ITGBL1: variants seen among roughly 807,000 people sequenced by gnomAD.
ITGBL1 encodes the protein integrin subunit beta like 1.
In ITGBL1, 51 loss-of-function variants were observed where a neutral mutation model predicts 68.5. The ratio of observed to expected loss-of-function variants is 0.74; its 90% CI spans 0.59 to 0.94. ITGBL1 has a LOEUF of 0.94. Ranked by LOEUF, ITGBL1 falls within the 40% of genes least tolerant of loss-of-function variation. ITGBL1 has a pLI of 0.00. For synonymous variants in ITGBL1, 209 were observed against 227.3 expected, an observed-to-expected ratio of 0.92 and a Z score of 0.72; for missense variants, 649 against 647.4, an observed-to-expected ratio of 1.00 and a Z score of -0.03.
At chr13:101,717,330 T>G (rs373318553), downstream of ITGBL1, 6 of 152,122 alleles carry the variant, frequency 3.9e-5, no homozygotes, top group African/African-American at 1.2e-4. Context: ...ATCCTGAGAT[T>G]AAGGAGTGCA....
At chr13:101,720,525 TTGCTCTGTG>T (rs996548690), downstream of ITGBL1, 1 of 131,510 alleles carries the variant, frequency 7.6e-6, no homozygotes, top group African/African-American at 2.9e-5. Context: ...ATGGGGGTGT[TTGCTCTGTG>T]TGTGTGTGTG....
chr13:101,601,248 G>A (rs2030357844), intron 7 of ITGBL1, among the ~76,000 whole-genome samples: 1 of 152,106 alleles, frequency 6.6e-6, no homozygotes, highest in Non-Finnish European at 1.5e-5. Flanking sequence ...ATTCTCTGAT[G>A]GTAGTTTGTA....
Position 101,583,190 on chromosome 13 carries a change from C to T in ITGBL1, c.728-26C>T, listed in dbSNP as rs201517898. Reference sequence around the variant, plus strand: ...TTTCATGGTTTTTCTTGACTGGATTCTTATAAAATTCTTCTTCCCACCTAG... The same window carrying T: ...TTTCATGGTTTTTCTTGACTGGATTTTTATAAAATTCTTCTTCCCACCTAG... On this transcript the variant is annotated intron_variant, in intron 5 of 10. Coordinates refer to ENST00000376180, the MANE Select transcript of ITGBL1 (RefSeq NM_004791.3). 2.3e-4 allele frequency: 370 copies of T among 1,607,166 alleles called. 2 individuals carry two copies. The African/African-American group carries it at 4.3e-3, about 19-fold the overall frequency.
chr13:101,511,041 G>T (rs1387764976), intron 2 of ITGBL1, among the ~76,000 whole-genome samples: 2 of 151,904 alleles, frequency 1.3e-5, no homozygotes, highest in Admixed American at 6.6e-5. Context: ...TGTTGCAATT[G>T]CTTTTAGGGA....
Position 101,511,352 on chromosome 13 carries a change from A to T in ITGBL1, c.317-56347A>T, listed in dbSNP as rs989632195. 5.3e-5 allele frequency among the ~76,000 whole-genome samples: 8 copies of T among 152,238 alleles called. No homozygotes were observed. The East Asian group carries it at 1.2e-3, about 22-fold the overall frequency. ...GGCACACACCCCTAAGGAACCTTCT[A>T]TGAGTCATGACCTTGTATAATTCCT... On this transcript the variant is annotated intron_variant, in intron 2 of 10. Coordinates refer to ENST00000376180, the MANE Select transcript of ITGBL1 (RefSeq NM_004791.3).
intron 2 of ITGBL1, among the ~76,000 whole-genome samples, chr13:101,457,207 T>G (rs577510933): frequency 2.6e-5 from 4 of 152,112 alleles, no homozygotes; most frequent in Non-Finnish European, 5.9e-5. Context: ...GATGGAAGGA[T>G]GGGTGGATGG....
intron 7 of ITGBL1, among the ~76,000 whole-genome samples, chr13:101,616,348 T>A (rs1483689848): frequency 6.6e-6 from 1 of 152,178 alleles, no homozygotes; most frequent in African/African-American, 2.4e-5. Context: ...TGTAAGTAGA[T>A]CTCCAGTGTG....
chr13:101,625,328 A>G (rs2031733307), intron 7 of ITGBL1, among the ~76,000 whole-genome samples: 1 of 152,194 alleles, frequency 6.6e-6, no homozygotes, highest in Non-Finnish European at 1.5e-5. Flanking sequence ...CAAATTCTAA[A>G]TTCATTATAT....
chr13:101,649,843 A>C (rs2139449449), intron 7 of ITGBL1, among the ~76,000 whole-genome samples: 1 of 152,270 alleles, frequency 6.6e-6, no homozygotes, highest in African/African-American at 2.4e-5. Flanking sequence ...TTCCTCTACC[A>C]TACCCTCTTA....
Position 101,697,056 on chromosome 13 carries a change from CA to C in ITGBL1, c.1132+4357del, listed in dbSNP as rs1173716568. On this transcript the variant is annotated intron_variant, in intron 8 of 10. Transcript: ENST00000376180. ...TCGATTTCATTTTTTTTTTTTACAT[CA>C]AGAGCTCTTTCTCAGCTGCTTCTGT... Among the ~76,000 whole-genome samples, 7 of 149,626 alleles carry C rather than the reference CA, an allele frequency of 4.7e-5. No individual in the cohort carries two copies. In the East Asian group the frequency reaches 9.9e-4, roughly 21 times the overall value.
intron 3 of ITGBL1, among the ~76,000 whole-genome samples, chr13:101,569,770 A>C (rs1007403199): frequency 6.6e-6 from 1 of 152,134 alleles, no homozygotes; most frequent in Non-Finnish European, 1.5e-5. Flanking sequence ...CACTAGAGAA[A>C]TGGTTTTGTG....
At chr13:101,569,452 T>C (rs79860921) in intron 3 of ITGBL1, among the ~76,000 whole-genome samples, 1,604 of 152,278 alleles carry the variant, frequency 0.011, 30 homozygotes, top group African/African-American at 0.036. Flanking sequence ...CTAGGACATC[T>C]GTACTCTCTC....
At chr13:101,526,979 A>C (rs1052159175) in intron 2 of ITGBL1, among the ~76,000 whole-genome samples, 1 of 151,952 alleles carries the variant, frequency 6.6e-6, no homozygotes, top group South Asian at 2.1e-4. Context: ...TTAAAGTAAC[A>C]TTTTCCTATT....
chr13:101,628,058 AC>A (rs1285577416), intron 7 of ITGBL1, among the ~76,000 whole-genome samples: 1 of 127,940 alleles, frequency 7.8e-6, no homozygotes, highest in African/African-American at 3.7e-5. Flanking sequence ...TTGCATTCCC[AC>A]CAGCAATGAA....
chr13:101,492,828 A>G (rs1280505380), intron 2 of ITGBL1, among the ~76,000 whole-genome samples: 3 of 152,144 alleles, frequency 2.0e-5, no homozygotes, highest in Non-Finnish European at 4.4e-5. Context: ...TCCTCTTTTG[A>G]ATTCCCAAAG....
chr13:101,698,398 T>A (rs149803306), intron 8 of ITGBL1, among the ~76,000 whole-genome samples: 1,678 of 152,356 alleles, frequency 0.011, 38 homozygotes, highest in African/African-American at 0.038. Context: ...ATAGGTTGGA[T>A]AAATTAGCAA....
intron 7 of ITGBL1, among the ~76,000 whole-genome samples, chr13:101,663,666 G>T (rs999508634): frequency 1.3e-4 from 20 of 152,166 alleles, no homozygotes; most frequent in African/African-American, 4.6e-4. Flanking sequence ...AAGCAGATGA[G>T]ATAGTGGTTG....
chr13:101,671,426 G>GTTTTTT (rs66501713), intron 7 of ITGBL1, among the ~76,000 whole-genome samples: 3,791 of 112,344 alleles, frequency 0.034, 734 homozygotes, highest in East Asian at 0.068. Flanking sequence ...GTATACCTTT[G>GTTTTTT]TTTTTTTTTT....
chr13:101,705,305 A>AC (rs2034234674), intron 8 of ITGBL1, among the ~76,000 whole-genome samples: 2 of 147,392 alleles, frequency 1.4e-5, no homozygotes, highest in Non-Finnish European at 3.0e-5. Flanking sequence ...AAAAAAAAAA[A>AC]AAAACAACAA....
Sources: gnomAD v4.1 joint callset for allele counts (sites outside exome capture counted in the v4.1 genomes callset) on GRCh38, gnomAD v4.1.1 for gene constraint, MANE v1.5 for transcripts, NCBI Gene and HGNC (gene_info 2026-07-23, HGNC 2026-07-21) for gene names.